EVI5L: variants seen among roughly 807,000 people sequenced by gnomAD.
The protein encoded by EVI5L is EVI5-like protein.
A neutral mutation model predicts 106.1 loss-of-function variants in EVI5L; 30 were observed. That is an observed-to-expected ratio of 0.28 (90% confidence interval 0.21 to 0.38). EVI5L has a LOEUF of 0.38. Ranked by LOEUF, EVI5L falls within the 10% of genes least tolerant of loss-of-function variation. The pLI is 1.00. For synonymous variants in EVI5L, 489 were observed against 483.3 expected, an observed-to-expected ratio of 1.01 and a Z score of -0.15; for missense variants, 809 against 1,098.0, an observed-to-expected ratio of 0.74 and a Z score of 3.72.
chr19:7,855,234 G>C (rs1484539049), intron 10 of EVI5L, among the ~76,000 whole-genome samples: 1 of 150,550 alleles, frequency 6.6e-6, no homozygotes, highest in Non-Finnish European at 1.5e-5. Flanking sequence ...TCCTGCCTCA[G>C]CCTCCCCTGT....
rs1253600394 is a variant in EVI5L, at chr19:7,850,752, A to G, written c.753+630A>G. ...CCTTAGGGGGCCTGGTAGTGCCACA[A>G]GCAGGAGGCCTGGGCTGCAGAGAAG... On this transcript the variant is annotated intron_variant, in intron 6 of 19. Transcript: ENST00000538904. This position sits in a 1 kb window ranked among gnomAD's most constrained non-coding sequence, Gnocchi z 5.4. 1.3e-5 allele frequency among the ~76,000 whole-genome samples: 2 copies of G among 152,116 alleles called. No individual in the cohort carries two copies. The highest frequency in any genetic ancestry group is 4.8e-5 in the African/African-American group (2 of 41,422).
In EVI5L at chr19:7,862,512, A is replaced by G; in HGVS notation, c.1925A>G (p.Lys642Arg). 17 of 1,557,274 alleles carry G rather than the reference A, an allele frequency of 1.1e-5. No individual in the cohort carries two copies. Among genetic ancestry groups the G allele is most frequent in the Non-Finnish European group, 1.5e-5 (17 of 1,151,926 alleles). Residue 642 changes from lysine to arginine, a missense_variant, in exon 17 of 20, where the codon AAG (lysine) becomes AGG (arginine). Coordinates refer to ENST00000538904, the MANE Select transcript of EVI5L (RefSeq NM_001159944.3). Reference protein sequence around the residue: ...LQTQLSESRRKQAEAECKSKE... With the variant: ...LQTQLSESRRRQAEAECKSKE... ...ACGCAGCTCAGCGAAAGCCGCCGCA[A>G]GCAGGCCGAGGCCGAGTGCAAGGTG...
In EVI5L at chr19:7,850,050, G is replaced by C; in HGVS notation, c.681G>C (p.Arg227=). The C allele has an allele frequency of 1.2e-6, 2 of 1,603,978 alleles. No homozygotes were observed. Among genetic ancestry groups the C allele is most frequent in the Non-Finnish European group, 1.7e-6 (2 of 1,175,670 alleles). The change falls in exon 6 of 20, where the codon CGG becomes CGC. Residue 227 remains arginine (R), a synonymous_variant. Transcript: ENST00000538904. The surrounding 1 kb of genome is among the most constrained non-coding windows in gnomAD (Gnocchi z 5.4). ...TCGTGCGGCTGATGCAGGAGTACCG[G>C]CTGCGGGAGCTCTTCAAACCCAGCA... is the stretch of plus-strand genomic sequence containing the variant. ...CVFVRLMQEY[R]LRELFKPSMA...
At position 7,835,714 on chromosome 19, in the gene EVI5L, C is replaced by A. The variant is rs777953853; in HGVS notation, c.-48+5333C>A. Among the ~76,000 whole-genome samples the A allele has an allele frequency of 6.6e-6, 1 of 152,128 alleles. No homozygotes were observed. Among genetic ancestry groups the A allele is most frequent in the African/African-American group, 2.4e-5 (1 of 41,418 alleles). On this transcript the variant is annotated intron_variant, in intron 1 of 19. Transcript: ENST00000538904. The surrounding 1 kb of genome is among the most constrained non-coding windows in gnomAD (Gnocchi z 4.1). ...CAGGCAGGGACCTCTGAATTCAAGC[C>A]GCTGTTCTTGTTATCCAAGGGGCAG...
At position 7,863,100 on chromosome 19, in the gene EVI5L, G is replaced by A. The variant is rs895769368; in HGVS notation, c.2043+33G>A. On this transcript the variant is annotated intron_variant, in intron 18 of 19. Transcript: ENST00000538904. This position sits in a 1 kb window ranked among gnomAD's most constrained non-coding sequence, Gnocchi z 7.7. ...GCGGGGCCGGGGTCGGGGGGCGGGG[G>A]CGGGGGCAGGGCCCGGGGCAGGAGC... is the stretch of plus-strand genomic sequence containing the variant. The A allele has an allele frequency of 5.7e-6, 4 of 697,340 alleles. No individual in the cohort carries two copies. Among genetic ancestry groups the A allele is most frequent in the Non-Finnish European group, 1.0e-5 (4 of 385,940 alleles). The allele number at this position is 697,340 out of a possible 1,614,324, so 43.2% of individuals were successfully genotyped here. A position where few individuals can be genotyped will look rare whatever the true frequency, so the allele number is the denominator to read the frequency against.
At chr19:7,837,684 TTTGGTTTGGTTTGG>T (rs1445663032) in intron 1 of EVI5L, among the ~76,000 whole-genome samples, 2 of 151,992 alleles carry the variant, frequency 1.3e-5, no homozygotes, top group Non-Finnish European at 2.9e-5. Context: ...TTTTTGTTTG[TTTGGTTTGGTTTGG>T]TTTTTGTTTT....
intron 10 of EVI5L, among the ~76,000 whole-genome samples, chr19:7,855,114 C>CTTTTTT (rs200195743): frequency 4.5e-5 from 6 of 132,618 alleles, no homozygotes; most frequent in African/African-American, 8.3e-5. Context: ...ATATCTTTTT[C>CTTTTTT]TTTTTTTTTT....
rs1224196102 is a variant in EVI5L, at chr19:7,863,406, G to A, written c.2140-18G>A. ...CAGAAGGCCGGTCCACGCCTGCAGC[G>A]CCGGTCCCCCGCCCCAGGTGCGGCT... On this transcript the variant is annotated intron_variant, in intron 19 of 19. Transcript: ENST00000538904. The surrounding 1 kb of genome is among the most constrained non-coding windows in gnomAD (Gnocchi z 7.7). The A allele has an allele frequency of 5.9e-6, 9 of 1,530,464 alleles. No homozygotes were observed. The South Asian group carries it at 9.8e-5, about 17-fold the overall frequency. 94.8% of individuals were successfully genotyped at this position (1,530,464 alleles called of 1,614,324 possible).
Position 7,856,182 on chromosome 19 carries a change from T to C in EVI5L, c.1200+114T>C. ...CCAAGTCTTCTCCTCTCTGGAGGACTAAGCAGCCCTACCTTCCTGCCCCAG... is the reference window on the plus strand; with the variant it reads ...CCAAGTCTTCTCCTCTCTGGAGGACCAAGCAGCCCTACCTTCCTGCCCCAG... On this transcript the variant is annotated intron_variant, in intron 11 of 19. Coordinates refer to ENST00000538904, the MANE Select transcript of EVI5L (RefSeq NM_001159944.3). This position sits in a 1 kb window ranked among gnomAD's most constrained non-coding sequence, Gnocchi z 6.6. 1 of 1,045,728 alleles carries C rather than the reference T, an allele frequency of 9.6e-7. No individual in the cohort carries two copies. Among genetic ancestry groups the C allele is most frequent in the Non-Finnish European group, 1.3e-6 (1 of 795,014 alleles). 64.8% of individuals were successfully genotyped at this position (1,045,728 alleles called of 1,614,324 possible). A position where few individuals can be genotyped will look rare whatever the true frequency, so the allele number is the denominator to read the frequency against.
At chr19:7,854,752 C>G (rs1429963203) in intron 10 of EVI5L, among the ~76,000 whole-genome samples, 1 of 152,170 alleles carries the variant, frequency 6.6e-6, no homozygotes, top group Admixed American at 6.5e-5. Context: ...GGACCAGAGA[C>G]CTGAAATAGC....
chr19:7,852,489 C>A (rs1055291678), intron 8 of EVI5L, among the ~76,000 whole-genome samples: 9 of 152,056 alleles, frequency 5.9e-5, no homozygotes, highest in Admixed American at 4.6e-4. Context: ...TCTGTCAGAC[C>A]CCCCGACCCT....
rs532025357 is a variant in EVI5L at position 7,855,590 on chromosome 19, C to T, written c.1147-425C>T. 4.3e-4 allele frequency among the ~76,000 whole-genome samples: 66 copies of T among 152,296 alleles called. 1 individual carries two copies. The South Asian group carries it at 7.3e-3, about 17-fold the overall frequency. On this transcript the variant is annotated intron_variant, in intron 10 of 19. Transcript: ENST00000538904. Reference sequence around the variant, plus strand: ...CCAGACTCAAAGAGGAGCCTGCCCCCGGAATTGAACCCGGGTGCTTGGGGC... The same window carrying T: ...CCAGACTCAAAGAGGAGCCTGCCCCTGGAATTGAACCCGGGTGCTTGGGGC...
chr19:7,843,602 T>G (rs1227889296), intron 1 of EVI5L, among the ~76,000 whole-genome samples: 1 of 147,496 alleles, frequency 6.8e-6, no homozygotes, highest in East Asian at 2.0e-4. Flanking sequence ...GTGTCAAGTG[T>G]GTGTGTATAG....
rs1052991323 is a variant in EVI5L at position 7,850,859 on chromosome 19, T to G, written c.754-575T>G. ...TCAGGGCGCAGAGAGCCCCTGGCGC[T>G]GGGAGGAAGCCCGGGATCCTAACGC... On this transcript the variant is annotated intron_variant, in intron 6 of 19. Transcript: ENST00000538904. The surrounding 1 kb of genome is among the most constrained non-coding windows in gnomAD (Gnocchi z 5.4). Among the ~76,000 whole-genome samples the G allele has an allele frequency of 7.2e-5, 11 of 152,200 alleles. No homozygotes were observed. The highest frequency in any genetic ancestry group is 2.7e-4 in the African/African-American group (11 of 41,452).
Position 7,848,035 on chromosome 19 carries a change from G to A in EVI5L, c.327+114G>A. 1 of 1,164,346 alleles carries A rather than the reference G, an allele frequency of 8.6e-7. No individual in the cohort carries two copies. Among genetic ancestry groups the A allele is most frequent in the Non-Finnish European group, 1.2e-6 (1 of 845,780 alleles). The allele number at this position is 1,164,346 out of a possible 1,614,324, so 72.1% of individuals were successfully genotyped here. Reference sequence around the variant, plus strand: ...GGGCCCCAGCCTGGGCACAGCGGCAGCAGTGGAGATGTGCAGGCACTTTCA... The same window carrying A: ...GGGCCCCAGCCTGGGCACAGCGGCAACAGTGGAGATGTGCAGGCACTTTCA... On this transcript the variant is annotated intron_variant, in intron 3 of 19. Transcript: ENST00000538904. The surrounding 1 kb of genome is among the most constrained non-coding windows in gnomAD (Gnocchi z 4.8).
intron 1 of EVI5L, among the ~76,000 whole-genome samples, chr19:7,838,257 T>C (rs1328432840): frequency 1.3e-5 from 2 of 152,154 alleles, no homozygotes; most frequent in African/African-American, 4.8e-5. Context: ...TACAGGCATG[T>C]GCCACCACGC....
intron 1 of EVI5L, among the ~76,000 whole-genome samples, chr19:7,838,545 C>A (rs1445515268): frequency 6.6e-6 from 1 of 152,218 alleles, no homozygotes; most frequent in Non-Finnish European, 1.5e-5. Context: ...ACCTTGATCA[C>A]CTGCCTAAGC....
rs549618209 is a variant in EVI5L, at chr19:7,863,887, C to T, written c.*185C>T. 3 of 771,802 alleles carry T rather than the reference C, an allele frequency of 3.9e-6. No homozygotes were observed. The highest frequency in any genetic ancestry group is 3.1e-5 in the East Asian group (1 of 31,854). 47.8% of individuals were successfully genotyped at this position (771,802 alleles called of 1,614,324 possible). A position where few individuals can be genotyped will look rare whatever the true frequency, so the allele number is the denominator to read the frequency against. ...GTCCGACCTGGGCTCCTCAGGGCCC[C>T]GGGGCAGGCTCTCTATCCCCAGCAG... On this transcript the variant is annotated 3_prime_UTR_variant, in exon 20 of 20. Coordinates refer to ENST00000538904, the MANE Select transcript of EVI5L (RefSeq NM_001159944.3). This position sits in a 1 kb window ranked among gnomAD's most constrained non-coding sequence, Gnocchi z 7.7.
Position 7,860,432 on chromosome 19 carries a change from G to A in EVI5L, c.1375-129G>A, listed in dbSNP as rs982219945. 9.3e-6 allele frequency: 7 copies of A among 752,910 alleles called. No homozygotes were observed. In the African/African-American group the frequency reaches 1.1e-4, roughly 11 times the overall value. The allele number at this position is 752,910 out of a possible 1,614,324, so 46.6% of individuals were successfully genotyped here. A position where few individuals can be genotyped will look rare whatever the true frequency, so the allele number is the denominator to read the frequency against. ...CTGAGCATCAGGGGGTCCAGCCCAG[G>A]ACACCCCAAGCCTGGGCCCCTCTCC... is the stretch of plus-strand genomic sequence containing the variant. On this transcript the variant is annotated intron_variant, in intron 13 of 19. Transcript: ENST00000538904.
Sources: allele counts gnomAD v4.1 joint callset (sites outside exome capture counted in the v4.1 genomes callset), GRCh38; gene constraint gnomAD v4.1.1; non-coding constraint Gnocchi (gnomAD v3.1); transcripts MANE v1.5; gene names NCBI Gene and HGNC (gene_info 2026-07-23, HGNC 2026-07-21).